RIMS1: variants seen among roughly 807,000 people sequenced by gnomAD.
RIMS1 encodes regulating synaptic membrane exocytosis protein 1.
A neutral mutation model predicts 214.1 loss-of-function variants in RIMS1; 83 were observed. The ratio of observed to expected loss-of-function variants is 0.39; its 90% CI spans 0.32 to 0.47. The LOEUF (loss-of-function observed/expected upper bound fraction) is 0.47. Among genes scored for constraint, RIMS1 ranks in the 20% least tolerant of loss-of-function variants. RIMS1 has a pLI of 0.99. For missense variants in RIMS1, 2,050 were observed against 2,161.8 expected (o/e 0.95, Z 1.03); for synonymous variants, 793 against 786.8 (o/e 1.01, Z -0.13).
intron 4 of RIMS1, among the ~76,000 whole-genome samples, chr6:72,127,772 A>G (rs1185831204): frequency 6.6e-6 from 1 of 152,218 alleles, no homozygotes; most frequent in Non-Finnish European, 1.5e-5. Flanking sequence ...TAGAGAAAGA[A>G]AACACTTTTT....
intron 9 of RIMS1, among the ~76,000 whole-genome samples, chr6:72,239,130 G>A (rs186736897): frequency 3.4e-4 from 52 of 152,162 alleles, no homozygotes; most frequent in Admixed American, 8.5e-4. Context: ...TCAAAAATAA[G>A]CCTCAGAAAG....
intron 28 of RIMS1, among the ~76,000 whole-genome samples, chr6:72,327,359 A>T (rs1593637424): frequency 6.6e-6 from 1 of 151,684 alleles, no homozygotes; most frequent in Non-Finnish European, 1.5e-5. Context: ...ATTTCTTTTT[A>T]TGGTTGATAA....
intron 6 of RIMS1, among the ~76,000 whole-genome samples, chr6:72,232,595 A>G (rs1308957495): frequency 2.0e-5 from 3 of 151,602 alleles, no homozygotes; most frequent in Non-Finnish European, 3.0e-5. Flanking sequence ...TTTCTAATGA[A>G]ATTTCTAATA....
intron 1 of RIMS1, among the ~76,000 whole-genome samples, chr6:71,908,018 C>G (rs1236522472): frequency 6.6e-6 from 1 of 152,038 alleles, no homozygotes; most frequent in African/African-American, 2.4e-5. Flanking sequence ...ATTGCTAAAC[C>G]TTTCACACCA....
At chr6:71,909,682 C>T (rs1398728245) in intron 1 of RIMS1, among the ~76,000 whole-genome samples, 3 of 152,084 alleles carry the variant, frequency 2.0e-5, no homozygotes, top group Non-Finnish European at 2.9e-5. Context: ...TACTGCCAAG[C>T]CTATTAAACT....
intron 6 of RIMS1, among the ~76,000 whole-genome samples, chr6:72,207,578 T>A (rs2053147062): frequency 6.6e-6 from 1 of 152,220 alleles, no homozygotes; most frequent in Non-Finnish European, 1.5e-5. Flanking sequence ...ATAGCATTAC[T>A]TGAACTGTAG....
chr6:71,892,248 C>T (rs1770122689), intron 1 of RIMS1, among the ~76,000 whole-genome samples: 1 of 152,106 alleles, frequency 6.6e-6, no homozygotes, highest in Non-Finnish European at 1.5e-5. Flanking sequence ...TATCGTGTAC[C>T]TTCTATGTAT....
chr6:72,175,432 G>A, intron 4 of RIMS1: 2 of 359,998 alleles, frequency 5.6e-6, no homozygotes, highest in Admixed American at 3.5e-5. Flanking sequence ...CAGCACTTTG[G>A]GAGGCTGAGG....
chr6:72,008,384 G>C (rs1290391092), intron 2 of RIMS1, among the ~76,000 whole-genome samples: 4 of 152,182 alleles, frequency 2.6e-5, no homozygotes, highest in Non-Finnish European at 5.9e-5. Flanking sequence ...AAATTGTAAA[G>C]ACCGTCGAGG....
intron 23 of RIMS1, among the ~76,000 whole-genome samples, chr6:72,278,795 G>T (rs1424969420): frequency 6.6e-6 from 1 of 151,962 alleles, no homozygotes; most frequent in Non-Finnish European, 1.5e-5. Flanking sequence ...CATCTTCACT[G>T]CATAGGAACA....
chr6:72,349,951 A>T (rs2097386881), intron 29 of RIMS1, among the ~76,000 whole-genome samples: 1 of 152,068 alleles, frequency 6.6e-6, no homozygotes. Context: ...TAATTGTCAT[A>T]GGTTTTGGAG....
At position 72,396,541 on chromosome 6, in the gene RIMS1, C is replaced by T. The variant is rs377650255; in HGVS notation, c.4619-1708C>T. On this transcript the variant is annotated intron_variant, in intron 31 of 33. Transcript: ENST00000521978. ...TTTGCAGCATTTTTTTGTAGCAGCA[C>T]CAAATAGGAAAACCAAGACCCCTAA... 3.3e-5 allele frequency among the ~76,000 whole-genome samples: 5 copies of T among 151,660 alleles called. No homozygotes were observed. In the East Asian group the frequency reaches 5.8e-4, roughly 18 times the overall value.
At chr6:72,058,893 T>C (rs1474761829) in intron 2 of RIMS1, among the ~76,000 whole-genome samples, 1 of 152,184 alleles carries the variant, frequency 6.6e-6, no homozygotes, top group Non-Finnish European at 1.5e-5. Flanking sequence ...CCTCTTTATC[T>C]GTATAATAAA....
At chr6:72,126,463 T>C (rs2039520099) in intron 4 of RIMS1, among the ~76,000 whole-genome samples, 1 of 151,640 alleles carries the variant, frequency 6.6e-6, no homozygotes, top group Admixed American at 6.6e-5. Context: ...ACAAAAGAAA[T>C]AATCAGCAGA....
intron 29 of RIMS1, among the ~76,000 whole-genome samples, chr6:72,364,132 A>G (rs1425649420): frequency 6.6e-6 from 1 of 152,030 alleles, no homozygotes; most frequent in Non-Finnish European, 1.5e-5. Context: ...ACTTCTATTA[A>G]AATAACTCTA....
chr6:71,974,817 G>A (rs1796755115), intron 2 of RIMS1, among the ~76,000 whole-genome samples: 1 of 152,178 alleles, frequency 6.6e-6, no homozygotes, highest in East Asian at 1.9e-4. Flanking sequence ...TCAGAAAACA[G>A]TTGGCTATTC....
intron 6 of RIMS1, among the ~76,000 whole-genome samples, chr6:72,221,657 A>G (rs114024268): frequency 0.028 from 4,194 of 152,060 alleles, 220 homozygotes; most frequent in African/African-American, 0.097. Flanking sequence ...AGGAGGTGCT[A>G]TTGACTGGCT....
chr6:72,005,698 A>T (rs1807255793), intron 2 of RIMS1, among the ~76,000 whole-genome samples: 1 of 152,222 alleles, frequency 6.6e-6, no homozygotes, highest in Non-Finnish European at 1.5e-5. Flanking sequence ...TGTTTTTAAC[A>T]GTATTTGCTT....
intron 2 of RIMS1, among the ~76,000 whole-genome samples, chr6:72,049,222 G>A (rs533672390): frequency 7.9e-5 from 12 of 152,188 alleles, no homozygotes; most frequent in African/African-American, 2.4e-4. Flanking sequence ...CATAAGAACC[G>A]GGAAAATACT....
Sources: allele counts gnomAD v4.1 joint callset (sites outside exome capture counted in the v4.1 genomes callset), GRCh38; gene constraint gnomAD v4.1.1; transcripts MANE v1.5; gene names NCBI Gene and HGNC (gene_info 2026-07-23, HGNC 2026-07-21).